The following ZNF618 variants were observed in gnomAD, a reference collection of about 807,000 sequenced individuals.
ZNF618 encodes the protein zinc finger protein 618.
Under a neutral mutation model 103.0 loss-of-function variants are expected in ZNF618, and 34 were observed. The observed-to-expected ratio is 0.33, with a 90% CI of 0.25 to 0.44. The LOEUF is 0.44. Among genes scored for constraint, ZNF618 ranks in the 20% least tolerant of loss-of-function variants. The probability of loss-of-function intolerance (pLI) is 1.00; values close to 1 mark genes in which losing one functional copy is unlikely to be tolerated. For synonymous variants in ZNF618, 551 were observed against 542.2 expected, an observed-to-expected ratio of 1.02 and a Z score of -0.23; for missense variants, 1,059 against 1,295.4, an observed-to-expected ratio of 0.82 and a Z score of 2.80.
intron 9 of ZNF618, 132 bp downstream of exon 9, chr9:114,008,686 C>T: frequency 9.9e-7 from 1 of 1,014,834 alleles, no homozygotes; most frequent in Non-Finnish European, 1.5e-6. Flanking sequence ...CCCAACCTGT[C>T]AGTTGGGCCA....
intron 3 of ZNF618, among the ~76,000 whole-genome samples, chr9:113,997,080 C>T (rs369753610): frequency 6.6e-6 from 1 of 151,122 alleles, no homozygotes; most frequent in Non-Finnish European, 1.5e-5. Context: ...TCTTCTTCTT[C>T]CTCTTCTTTC....
chr9:114,045,358 G>A (rs146774701), intron 13 of ZNF618, among the ~76,000 whole-genome samples: 33 of 151,800 alleles, frequency 2.2e-4, no homozygotes, highest in African/African-American at 7.0e-4. Context: ...TAGCTCTTAC[G>A]TTTAGGTCTG....
chr9:113,885,460 C>T (rs1052601580), intron 1 of ZNF618, among the ~76,000 whole-genome samples: 5 of 152,202 alleles, frequency 3.3e-5, no homozygotes, highest in Non-Finnish European at 7.3e-5. Flanking sequence ...AACTGAGTCA[C>T]AGACTAAGGG....
intron 2 of ZNF618, among the ~76,000 whole-genome samples, chr9:113,975,216 T>C (rs901296976): frequency 1.3e-5 from 2 of 152,158 alleles, no homozygotes; most frequent in African/African-American, 4.8e-5. Context: ...TTGTGTCTTA[T>C]TTGATCTTCC....
chr9:113,933,589 T>A lies in ZNF618; in HGVS notation c.34-35528T>A, dbSNP rs144182591. 8.5e-4 allele frequency among the ~76,000 whole-genome samples: 129 copies of A among 152,260 alleles called. 1 individual carries two copies. Among genetic ancestry groups the A allele is most frequent in the Non-Finnish European group, 1.6e-4 (11 of 68,016 alleles). On this transcript the variant is annotated intron_variant, in intron 1 of 14. Transcript: ENST00000374126. ...TGAGGAGAGAGGCGAAAGTCTCAAATGCCCATCTAGGATCATGAATTGAGG... is the reference window on the plus strand; with the variant it reads ...TGAGGAGAGAGGCGAAAGTCTCAAAAGCCCATCTAGGATCATGAATTGAGG...
At chr9:113,938,971 G>GT (rs1588097384) in intron 1 of ZNF618, among the ~76,000 whole-genome samples, 1 of 149,432 alleles carries the variant, frequency 6.7e-6, no homozygotes, top group East Asian at 1.9e-4. Context: ...ATTCCCTTTT[G>GT]TTTTAATAGT....
chr9:114,003,405 C>T (rs1254734064), intron 6 of ZNF618, among the ~76,000 whole-genome samples: 1 of 152,220 alleles, frequency 6.6e-6, no homozygotes, highest in African/African-American at 2.4e-5. Flanking sequence ...ATATCTGCTG[C>T]AAGATGCAAA....
intron 1 of ZNF618, among the ~76,000 whole-genome samples, chr9:113,958,190 G>A (rs1377791510): frequency 1.3e-5 from 2 of 152,266 alleles, no homozygotes; most frequent in East Asian, 3.9e-4. Context: ...CACCAGCCTT[G>A]GAGGCAGGAT....
rs763547755 is a variant in ZNF618, at chr9:113,939,737, A to G, written c.34-29380A>G. 3.3e-5 allele frequency among the ~76,000 whole-genome samples: 5 copies of G among 152,040 alleles called. No homozygotes were observed. In the East Asian group the frequency reaches 9.7e-4, roughly 29 times the overall value. ...CTATTTCATGTATAATTGAAGATAT[A>G]TTAATATAAAGTCTTCCTTCCTTTC... On this transcript the variant is annotated intron_variant, in intron 1 of 14. Transcript: ENST00000374126.
chr9:114,039,439 C>A lies in ZNF618; in HGVS notation c.1246+3062C>A, dbSNP rs143905532. On this transcript the variant is annotated intron_variant, in intron 13 of 14. Coordinates refer to ENST00000374126, the MANE Select transcript of ZNF618 (RefSeq NM_001318042.2). ...TCAGCTGTATACCTGCAACTTCCAC[C>A]TTCTGGGCTCAAGCGATTCTTGTGC... 4.3e-3 allele frequency among the ~76,000 whole-genome samples: 659 copies of A among 151,922 alleles called. 5 individuals are homozygous for A. The highest frequency in any genetic ancestry group is 0.038 in the East Asian group (196 of 5,162).
chr9:113,948,868 G>A (rs1835290110), intron 1 of ZNF618, among the ~76,000 whole-genome samples: 2 of 152,202 alleles, frequency 1.3e-5, no homozygotes, highest in South Asian at 2.1e-4. Context: ...TCTGTTGATG[G>A]CATTATTTCT....
chr9:113,973,598 C>G (rs1275333879), intron 2 of ZNF618, among the ~76,000 whole-genome samples: 1 of 152,124 alleles, frequency 6.6e-6, no homozygotes, highest in Non-Finnish European at 1.5e-5. Flanking sequence ...AGGTTAATGT[C>G]GATCTGGTGT....
chr9:113,901,067 T>A (rs770435810), intron 1 of ZNF618, among the ~76,000 whole-genome samples: 1,177 of 59,330 alleles, frequency 0.02, 17 homozygotes, highest in African/African-American at 0.039. Flanking sequence ...CCTCTCGCGC[T>A]AACCCGACCT....
At chr9:113,969,247 C>T in intron 2 of ZNF618, 87 bp downstream of exon 2, 2 of 1,532,740 alleles carry the variant, frequency 1.3e-6, no homozygotes, top group South Asian at 1.1e-5. Flanking sequence ...TCCTCATCTT[C>T]CCCCTGGAAG....
At chr9:113,886,971 CTTTTTTTTTT>C (rs57000343) in intron 1 of ZNF618, among the ~76,000 whole-genome samples, 98 of 109,488 alleles carry the variant, frequency 9.0e-4, no homozygotes, top group East Asian at 2.0e-3. Flanking sequence ...TTACTTTCTA[CTTTTTTTTTT>C]TTTTTTTTTT....
At chr9:113,981,434 C>T (rs1396589400) in intron 2 of ZNF618, among the ~76,000 whole-genome samples, 1 of 152,184 alleles carries the variant, frequency 6.6e-6, no homozygotes, top group Admixed American at 6.5e-5. Flanking sequence ...TCATTGTGCA[C>T]ATTGGAAAAC....
At chr9:114,028,579 G>A (rs1843718178) in intron 10 of ZNF618, 154 bp from the exon 11 acceptor site, 2 of 1,174,934 alleles carry the variant, frequency 1.7e-6, no homozygotes, top group Non-Finnish European at 2.3e-6. Context: ...ACTTTCTCTG[G>A]CTCTGAGTTA....
intron 1 of ZNF618, among the ~76,000 whole-genome samples, chr9:113,931,982 A>G (rs899025937): frequency 2.6e-5 from 4 of 152,216 alleles, no homozygotes; most frequent in Non-Finnish European, 5.9e-5. Context: ...TTTATTCAAC[A>G]TGTATTTATA....
At chr9:113,951,427 G>GTATATATATACACACACACATA (rs1554732831) in intron 1 of ZNF618, among the ~76,000 whole-genome samples, 2 of 69,936 alleles carry the variant, frequency 2.9e-5, no homozygotes, top group African/African-American at 1.1e-4. Context: ...ATATATGTGT[G>GTATATATATACACACACACATA]TGTGTATATA....
Sources: allele counts gnomAD v4.1 joint callset (sites outside exome capture counted in the v4.1 genomes callset), GRCh38; gene constraint gnomAD v4.1.1; transcripts MANE v1.5; gene names NCBI Gene and HGNC (gene_info 2026-07-23, HGNC 2026-07-21).